The following CCDC171 variants were observed in gnomAD, a reference collection of about 807,000 sequenced individuals.
CCDC171 encodes coiled-coil domain-containing protein 171.
Under a neutral mutation model 168.2 loss-of-function variants are expected in CCDC171, and 177 were observed. The observed-to-expected ratio is 1.05, with a 90% CI of 0.93 to 1.19. CCDC171 has a LOEUF of 1.19. Among genes scored for constraint, CCDC171 ranks in the 50% most tolerant of loss-of-function variants. The pLI, the probability that CCDC171 is intolerant of heterozygous loss-of-function variation, is 0.00. For synonymous variants in CCDC171, 687 were observed against 540.8 expected (o/e 1.27, Z -3.75); for missense variants, 1,991 against 1,539.0 (o/e 1.29, Z -4.91).
intron 10 of CCDC171, among the ~76,000 whole-genome samples, chr9:15,686,164 A>T (rs191750036): frequency 2.0e-5 from 3 of 152,302 alleles, no homozygotes; most frequent in Admixed American, 1.3e-4. Flanking sequence ...TATGCAGTTT[A>T]TCTGGCTTTC....
chr9:15,902,534 A>G (rs1821845721), intron 24 of CCDC171, among the ~76,000 whole-genome samples: 1 of 152,146 alleles, frequency 6.6e-6, no homozygotes, highest in Non-Finnish European at 1.5e-5. Flanking sequence ...TTGCATTGCT[A>G]TAAAGAAATA....
Position 15,623,467 on chromosome 9 carries a change from G to GTA in CCDC171, c.822+54_822+55insTA, listed in dbSNP as rs1554714800. The stretch of plus-strand genomic sequence containing the variant: ...TATGCGTACAAACTTTCACATATGC[G>GTA]CGCGCGCGCACACACACACACACAC... On this transcript the variant is annotated intron_variant, in intron 7 of 25. Transcript: ENST00000380701. 8.5e-6 allele frequency: 5 copies of GTA among 587,388 alleles called. No individual in the cohort carries two copies. In the East Asian group the frequency reaches 1.7e-4, roughly 21 times the overall value. The allele number at this position is 587,388 out of a possible 1,614,324, so 36.4% of individuals were successfully genotyped here. A position where few individuals can be genotyped will look rare whatever the true frequency, so the allele number is the denominator to read the frequency against.
intron 4 of CCDC171, among the ~76,000 whole-genome samples, chr9:15,585,806 C>T (rs1272890156): frequency 7.2e-5 from 11 of 151,954 alleles, no homozygotes; most frequent in Admixed American, 7.2e-4. Flanking sequence ...AGTGAAACCC[C>T]ATCTCTACTA....
intron 16 of CCDC171, among the ~76,000 whole-genome samples, chr9:15,734,024 C>T (rs746994490): frequency 6.6e-6 from 1 of 152,132 alleles, no homozygotes. Context: ...ATCCTCTTTC[C>T]TTGGTCTCCC....
intron 21 of CCDC171, among the ~76,000 whole-genome samples, chr9:15,832,613 G>T (rs561096518): frequency 6.6e-6 from 1 of 152,284 alleles, no homozygotes; most frequent in African/African-American, 2.4e-5. Flanking sequence ...ATATACCTAT[G>T]TAGGGCACTT....
At chr9:15,679,195 T>G (rs966556553) in intron 10 of CCDC171, among the ~76,000 whole-genome samples, 4 of 152,140 alleles carry the variant, frequency 2.6e-5, no homozygotes, top group African/African-American at 9.7e-5. Context: ...ATTACTTAGA[T>G]TAAGGGTGAT....
chr9:16,022,827 G>T (rs955834634), exon 6 of CCDC171: 1 of 152,244 alleles, frequency 6.6e-6, no homozygotes, highest in African/African-American at 2.4e-5. Flanking sequence ...CGAGTCATTT[G>T]TCTGCTCCTG....
At chr9:16,024,805 C>T (rs1256947830) in intron 6 of CCDC171, among the ~76,000 whole-genome samples, 1 of 152,176 alleles carries the variant, frequency 6.6e-6, no homozygotes, top group East Asian at 1.9e-4. Context: ...AGAGGGGATA[C>T]CTACATATAC....
chr9:15,582,358 G>T (rs909956404), intron 4 of CCDC171, among the ~76,000 whole-genome samples: 1 of 152,178 alleles, frequency 6.6e-6, no homozygotes, highest in Admixed American at 6.5e-5. Flanking sequence ...AAACTGTTGT[G>T]GAAGACAGTG....
chr9:16,059,724 C>G (rs1173979267), intron 1 of CCDC171, among the ~76,000 whole-genome samples: 3 of 150,764 alleles, frequency 2.0e-5, no homozygotes, highest in East Asian at 1.9e-4. Flanking sequence ...CCTTGTTAGC[C>G]AGGATGGTCT....
At chr9:15,839,814 C>T (rs1447932835) in intron 21 of CCDC171, among the ~76,000 whole-genome samples, 4 of 152,056 alleles carry the variant, frequency 2.6e-5, no homozygotes, top group East Asian at 3.8e-4. Context: ...CCCCCATGGA[C>T]ATACTTCTAA....
At chr9:16,028,637 T>C (rs555645640) in intron 6 of CCDC171, among the ~76,000 whole-genome samples, 1 of 152,336 alleles carries the variant, frequency 6.6e-6, no homozygotes, top group African/African-American at 2.4e-5. Context: ...CTGGCAGCTC[T>C]AGCTCCTGGT....
intron 6 of CCDC171, among the ~76,000 whole-genome samples, chr9:15,608,661 G>C (rs2043400365): frequency 6.6e-6 from 1 of 151,362 alleles, no homozygotes; most frequent in South Asian, 2.1e-4. Context: ...TTGATTAATA[G>C]GAACTTTTGG....
intron 3 of CCDC171, among the ~76,000 whole-genome samples, chr9:15,996,837 A>G (rs1032750995): frequency 6.6e-6 from 1 of 152,170 alleles, no homozygotes; most frequent in African/African-American, 2.4e-5. Flanking sequence ...AATGAATATG[A>G]AGACAAATTG....
At chr9:15,844,547 A>G (rs1191663448) in intron 21 of CCDC171, among the ~76,000 whole-genome samples, 5 of 152,078 alleles carry the variant, frequency 3.3e-5, no homozygotes, top group African/African-American at 9.7e-5. Flanking sequence ...TTCTATGTCT[A>G]TAAGTTATAA....
chr9:15,918,751 T>G (rs1824897322), intron 24 of CCDC171, among the ~76,000 whole-genome samples: 1 of 151,656 alleles, frequency 6.6e-6, no homozygotes, highest in South Asian at 2.1e-4. Flanking sequence ...TAGTTATGCT[T>G]CTGCTTTTTT....
chr9:15,804,072 A>C (rs557575590), intron 21 of CCDC171, among the ~76,000 whole-genome samples: 1 of 152,096 alleles, frequency 6.6e-6, no homozygotes, highest in Non-Finnish European at 1.5e-5. Context: ...ATTTTTGCAC[A>C]TTGATTTTGT....
chr9:15,724,981 T>C lies in CCDC171; in HGVS notation c.1692+5T>C. 1 of 1,608,298 alleles carries C rather than the reference T, an allele frequency of 6.2e-7. No individual in the cohort carries two copies. Among genetic ancestry groups the C allele is most frequent in the Non-Finnish European group, 8.5e-7 (1 of 1,174,850 alleles). ...GCTTTCCATAAGGATGCAGAGGTAT[T>C]ACCTGAGACTCAATGACTGTCAGGA... On this transcript the variant is annotated splice_donor_5th_base_variant and intron_variant, in intron 14 of 25. Transcript: ENST00000380701.
chr9:16,039,532 G>C (rs1048104261), upstream of CCDC171, among the ~76,000 whole-genome samples: 3 of 152,148 alleles, frequency 2.0e-5, no homozygotes, highest in African/African-American at 7.2e-5. Context: ...TCTCCTCACG[G>C]AACAGTCTAA....
Sources: allele counts gnomAD v4.1 joint callset (sites outside exome capture counted in the v4.1 genomes callset), GRCh38; gene constraint gnomAD v4.1.1; transcripts MANE v1.5; gene names NCBI Gene and HGNC (gene_info 2026-07-23, HGNC 2026-07-21).